KCNT1: variants seen among roughly 807,000 people sequenced by gnomAD.
The protein encoded by KCNT1 is potassium sodium-activated channel subfamily T member 1, also known as potassium channel subfamily T member 1.
KCNT1 carries 78 observed loss-of-function variants against 147.8 expected under a neutral mutation model. That is an observed-to-expected ratio of 0.53 (90% CI 0.44 to 0.64). KCNT1 has a LOEUF of 0.64. Ranked by LOEUF, KCNT1 falls within the 30% of genes least tolerant of loss-of-function variation. The probability of loss-of-function intolerance (pLI) is 0.00; values close to 1 mark genes in which losing one functional copy is unlikely to be tolerated. For missense variants in KCNT1, 1,419 were observed against 1,750.3 expected, an observed-to-expected ratio of 0.81 and a Z score of 3.38; for synonymous variants, 867 against 748.8, an observed-to-expected ratio of 1.16 and a Z score of -2.58.
chr9:135,778,657 C>T (rs1348418873), intron 22 of KCNT1, 31 bp from the exon 23 acceptor site: 2 of 1,612,448 alleles, frequency 1.2e-6, no homozygotes, highest in East Asian at 2.2e-5. Flanking sequence ...GGGCCGCATC[C>T]TCAGCCACGG....
chr9:135,705,083 C>T (rs1835197350), intron 1 of KCNT1, among the ~76,000 whole-genome samples: 1 of 152,218 alleles, frequency 6.6e-6, no homozygotes, highest in African/African-American at 2.4e-5. Context: ...CTGGTTCACC[C>T]ACCGTATGGG....
chr9:135,711,070 C>T (rs764031880), intron 1 of KCNT1, among the ~76,000 whole-genome samples: 2 of 152,208 alleles, frequency 1.3e-5, no homozygotes. Flanking sequence ...CAGTTGATTC[C>T]TCTTGGGTTT....
intron 24 of KCNT1, 22 bp from the exon 25 acceptor site, chr9:135,783,977 GGAGGGACCTCGGCACCAGCCCATCT>G: frequency 1.3e-6 from 2 of 1,501,052 alleles, no homozygotes; most frequent in Non-Finnish European, 1.8e-6. Context: ...CCGTGCCACT[GGAGGGACCTCGGCACCAGCCCATCT>G]GAGGCCCCTC....
intron 2 of KCNT1, among the ~76,000 whole-genome samples, chr9:135,749,311 C>G (rs565330402): frequency 6.6e-6 from 1 of 152,188 alleles, no homozygotes; most frequent in Non-Finnish European, 1.5e-5. Context: ...CCCCACCCCA[C>G]CTCACCCCAC....
chr9:135,726,787 CT>C (rs1183021051), intron 2 of KCNT1, among the ~76,000 whole-genome samples: 1 of 144,442 alleles, frequency 6.9e-6, no homozygotes, highest in Non-Finnish European at 1.5e-5. Context: ...CTCTCTCCGT[CT>C]TTCCTATTCT....
intron 30 of KCNT1, 37 bp from the exon 31 acceptor site, chr9:135,792,004 C>T (rs1564401809): frequency 1.9e-6 from 3 of 1,602,754 alleles, no homozygotes; most frequent in East Asian, 2.2e-5. Flanking sequence ...GCTGCCCGGC[C>T]CACATCCACT....
intron 11 of KCNT1, among the ~76,000 whole-genome samples, chr9:135,763,597 G>A (rs370958955): frequency 2.9e-4 from 44 of 152,264 alleles, no homozygotes; most frequent in African/African-American, 9.6e-4. Context: ...TGGTGGGGCC[G>A]CAATCCCTGG....
intron 17 of KCNT1, 118 bp downstream of exon 17, chr9:135,770,565 G>GGAGGGCATCAGGTCATCCTGCCTGGC: frequency 6.8e-6 from 9 of 1,315,196 alleles, no homozygotes; most frequent in Non-Finnish European, 9.3e-6. Flanking sequence ...AGGGCTCGGG[G>GGAGGGCATCAGGTCATCCTGCCTGGC]GAGGGCATCA....
chr9:135,749,958 G>C lies in KCNT1; in HGVS notation c.255-140G>C, dbSNP rs111288842. 246 of 675,870 alleles carry C rather than the reference G, an allele frequency of 3.6e-4. 1 individual carries two copies. In the African/African-American group the frequency reaches 3.9e-3, roughly 11 times the overall value. The allele number at this position is 675,870 out of a possible 1,614,324, so 41.9% of individuals were successfully genotyped here. The stretch of plus-strand genomic sequence containing the variant: ...GACCCTCCTGGGTCTGAGGTGGAGG[G>C]AGTGGTCCTGCTGGGCCCTGACTTC... On this transcript the variant is annotated intron_variant, in intron 2 of 30. Transcript: ENST00000371757.
intron 24 of KCNT1, among the ~76,000 whole-genome samples, chr9:135,783,401 CCAGA>C (rs200597024): frequency 0.11 from 17,363 of 152,278 alleles, 1,330 homozygotes; most frequent in South Asian, 0.18. Context: ...CCCCAGGCCT[CCAGA>C]GGGAGCGGGG....
At chr9:135,744,872 C>A (rs968805722) in intron 2 of KCNT1, among the ~76,000 whole-genome samples, 10 of 152,222 alleles carry the variant, frequency 6.6e-5, no homozygotes, top group East Asian at 3.9e-4. Flanking sequence ...ACCGGCCCTG[C>A]GTCTTGCTCC....
rs528402802 is a variant in KCNT1, at chr9:135,752,541, C to A, written c.435-1396C>A. On this transcript the variant is annotated intron_variant, in intron 4 of 30. Coordinates refer to ENST00000371757, the MANE Select transcript of KCNT1 (RefSeq NM_020822.3). The surrounding 1 kb of genome is among the most constrained non-coding windows in gnomAD (Gnocchi z 5.1). ...GGGCCCAAGTCTGTTGTGTTCACTG[C>A]CCGTCCCCTAGCACAGCGTCCAGGA... is the stretch of plus-strand genomic sequence containing the variant. The A allele has an allele frequency of 3.0e-5, 13 of 427,118 alleles. No individual in the cohort carries two copies. In the East Asian group the frequency reaches 8.5e-4, roughly 28 times the overall value. 26.5% of individuals were successfully genotyped at this position (427,118 alleles called of 1,614,324 possible). A position where few individuals can be genotyped will look rare whatever the true frequency, so the allele number is the denominator to read the frequency against.
intron 6 of KCNT1, among the ~76,000 whole-genome samples, 175 bp from the exon 7 acceptor site, chr9:135,756,698 G>A (rs557805222): frequency 4.6e-5 from 7 of 152,178 alleles, no homozygotes; most frequent in South Asian, 2.1e-4. Context: ...CGGCCCTGGC[G>A]GGGGTCAGCC....
intron 2 of KCNT1, among the ~76,000 whole-genome samples, chr9:135,723,612 A>T (rs1205978252): frequency 6.6e-6 from 1 of 152,102 alleles, no homozygotes; most frequent in African/African-American, 2.4e-5. Context: ...CTGCCTCCAG[A>T]GGGACCCTGG....
At chr9:135,702,452 TC>T in intron 1 of KCNT1, 84 bp downstream of exon 1, 1 of 1,081,676 alleles carries the variant, frequency 9.2e-7, no homozygotes, top group Non-Finnish European at 1.4e-6. Context: ...TCCCGCACCC[TC>T]CAGGACCCGC....
intron 3 of KCNT1, chr9:135,750,633 C>A: frequency 2.1e-6 from 1 of 482,704 alleles, no homozygotes. Context: ...TCCCCAGGGG[C>A]TCCACATTCA....
chr9:135,780,461 T>C (rs1238662381), intron 24 of KCNT1, among the ~76,000 whole-genome samples: 1 of 152,062 alleles, frequency 6.6e-6, no homozygotes, highest in African/African-American at 2.4e-5. Flanking sequence ...CTGAACCCGA[T>C]GGAGAGTGAA....
At position 135,754,739 on chromosome 9, in the gene KCNT1, G is replaced by A. The variant is rs965746695; in HGVS notation, c.492-382G>A. Among the ~76,000 whole-genome samples, 5 of 152,144 alleles carry A rather than the reference G, an allele frequency of 3.3e-5. No homozygotes were observed. In the South Asian group the frequency reaches 6.2e-4, roughly 19 times the overall value. ...GGAGCCCGGCTTCAGGGACCCAGGT[G>A]AAAAAAACAGGCTACCCAGTCTGGG... On this transcript the variant is annotated intron_variant, in intron 5 of 30. Transcript: ENST00000371757.
chr9:135,734,372 G>C (rs1830248655), intron 2 of KCNT1, among the ~76,000 whole-genome samples: 1 of 152,200 alleles, frequency 6.6e-6, no homozygotes, highest in Non-Finnish European at 1.5e-5. Flanking sequence ...GGGCTTCTGG[G>C]ACTGCTGCTC....
Sources: gnomAD v4.1 joint callset for allele counts (sites outside exome capture counted in the v4.1 genomes callset) on GRCh38, gnomAD v4.1.1 for gene constraint, Gnocchi (gnomAD v3.1) non-coding constraint, MANE v1.5 for transcripts, NCBI Gene and HGNC (gene_info 2026-07-23, HGNC 2026-07-21) for gene names.